The following SH3RF2 variants were observed in gnomAD, a reference collection of about 807,000 sequenced individuals.
SH3RF2 encodes E3 ubiquitin-protein ligase SH3RF2.
Under a neutral mutation model 59.0 loss-of-function variants are expected in SH3RF2, and 43 were observed. That is an observed-to-expected ratio of 0.73 (90% CI 0.57 to 0.94). SH3RF2 has a LOEUF of 0.94. SH3RF2 is among the 40% of genes least tolerant of loss of function. The probability of loss-of-function intolerance (pLI) is 0.00; values close to 1 mark genes in which losing one functional copy is unlikely to be tolerated. For synonymous variants in SH3RF2, 391 were observed against 391.5 expected, an observed-to-expected ratio of 1.00 and a Z score of 0.01; for missense variants, 930 against 940.1, an observed-to-expected ratio of 0.99 and a Z score of 0.14.
intron 9 of SH3RF2, among the ~76,000 whole-genome samples, chr5:146,071,987 C>T (rs1236716876): frequency 6.6e-6 from 1 of 152,146 alleles, no homozygotes; most frequent in East Asian, 1.9e-4. Context: ...CTCTATCAGA[C>T]AGAAGTGAGA....
chr5:146,008,024 G>T (rs905712584), intron 4 of SH3RF2, among the ~76,000 whole-genome samples: 1 of 152,204 alleles, frequency 6.6e-6, no homozygotes, highest in African/African-American at 2.4e-5. Context: ...GTGCATGTTT[G>T]TGTGTGTTTG....
chr5:145,965,688 T>G (rs1758831713), intron 2 of SH3RF2, among the ~76,000 whole-genome samples: 1 of 152,226 alleles, frequency 6.6e-6, no homozygotes, highest in Non-Finnish European at 1.5e-5. Context: ...ATTTATTTAT[T>G]AACACCAGCC....
chr5:146,074,352 C>T (rs1763300145), intron 9 of SH3RF2, among the ~76,000 whole-genome samples: 1 of 152,080 alleles, frequency 6.6e-6, no homozygotes, highest in Admixed American at 6.6e-5. Flanking sequence ...GAAGGCCTGT[C>T]ATAGGAAGGA....
intron 9 of SH3RF2, among the ~76,000 whole-genome samples, chr5:146,075,932 A>C (rs1253298666): frequency 1.3e-5 from 2 of 152,060 alleles, no homozygotes; most frequent in Non-Finnish European, 2.9e-5. Flanking sequence ...CCTAATCCCA[A>C]AACCCCTGGC....
At position 146,021,911 on chromosome 5, in the gene SH3RF2, A is replaced by G. The variant is rs559079005; in HGVS notation, c.1059+7850A>G. ...ACCTCTGACTCACAAGGTTATTGGG[A>G]AAATCAAAAATAAAAAGTGAATATA... On this transcript the variant is annotated intron_variant, in intron 5 of 9. Transcript: ENST00000359120. Among the ~76,000 whole-genome samples, 74 of 152,380 alleles carry G rather than the reference A, an allele frequency of 4.9e-4. 1 individual carries two copies. The highest frequency in any genetic ancestry group is 1.8e-3 in the African/African-American group (73 of 41,596).
chr5:146,049,017 A>C, intron 6 of SH3RF2, 58 bp from the exon 7 acceptor site: 2 of 1,589,918 alleles, frequency 1.3e-6, no homozygotes, highest in Non-Finnish European at 1.7e-6. Context: ...CCCCCACTCC[A>C]TGCCCCCCAT....
At chr5:146,029,088 C>T (rs1761648118) in intron 5 of SH3RF2, among the ~76,000 whole-genome samples, 1 of 152,230 alleles carries the variant, frequency 6.6e-6, no homozygotes, top group Non-Finnish European at 1.5e-5. Flanking sequence ...TTTCCATTCC[C>T]ACTCAGCTCC....
At chr5:146,017,691 C>T (rs995105889) in intron 5 of SH3RF2, among the ~76,000 whole-genome samples, 1 of 152,106 alleles carries the variant, frequency 6.6e-6, no homozygotes, top group Admixed American at 6.6e-5. Context: ...GCTCATTGTG[C>T]CACCTAAATA....
intron 2 of SH3RF2, among the ~76,000 whole-genome samples, chr5:145,947,401 T>C (rs1294516882): frequency 6.6e-6 from 1 of 152,208 alleles, no homozygotes; most frequent in Non-Finnish European, 1.5e-5. Flanking sequence ...TCATTGTTAC[T>C]ATGAAATAGA....
At position 146,057,992 on chromosome 5, in the gene SH3RF2, A is replaced by C. The variant is rs533767665; in HGVS notation, c.1555+1779A>C. On this transcript the variant is annotated intron_variant, in intron 8 of 9. Transcript: ENST00000359120. Reference sequence around the variant, plus strand: ...TCTATCTATCTATCTATCTATATATATATATTTGATTTAAAAAACGAGAAA... The same window carrying C: ...TCTATCTATCTATCTATCTATATATCTATATTTGATTTAAAAAACGAGAAA... Among the ~76,000 whole-genome samples, 10 of 150,340 alleles carry C rather than the reference A, an allele frequency of 6.7e-5. No homozygotes were observed. In the South Asian group the frequency reaches 1.5e-3, roughly 22 times the overall value.
chr5:145,940,698 A>C (rs1271040928), intron 2 of SH3RF2, among the ~76,000 whole-genome samples: 4 of 152,238 alleles, frequency 2.6e-5, no homozygotes, highest in Admixed American at 6.5e-5. Context: ...AAGCATCATC[A>C]TTAAGATTCA....
chr5:145,989,553 T>C (rs548584836), intron 2 of SH3RF2, among the ~76,000 whole-genome samples: 4 of 152,236 alleles, frequency 2.6e-5, no homozygotes, highest in Non-Finnish European at 5.9e-5. Flanking sequence ...TGGGAAATGA[T>C]ACATAACTTG....
chr5:145,941,075 T>C (rs1757797339), intron 2 of SH3RF2, among the ~76,000 whole-genome samples: 1 of 152,200 alleles, frequency 6.6e-6, no homozygotes, highest in Non-Finnish European at 1.5e-5. Context: ...ATAAATAACC[T>C]GTTGTCACAG....
At chr5:146,076,665 A>G (rs1054006808) in intron 9 of SH3RF2, among the ~76,000 whole-genome samples, 7 of 152,196 alleles carry the variant, frequency 4.6e-5, no homozygotes, top group African/African-American at 1.7e-4. Flanking sequence ...AATGGAGCAC[A>G]TTAGCTAATG....
chr5:146,053,123 A>G (rs971629675), intron 7 of SH3RF2, among the ~76,000 whole-genome samples: 1 of 152,212 alleles, frequency 6.6e-6, no homozygotes, highest in African/African-American at 2.4e-5. Context: ...ATAATTGACT[A>G]GAATGCTAGG....
intron 2 of SH3RF2, among the ~76,000 whole-genome samples, chr5:145,952,826 G>C (rs1375255516): frequency 1.3e-5 from 2 of 152,148 alleles, no homozygotes; most frequent in South Asian, 2.1e-4. Flanking sequence ...TATGAGGCCA[G>C]CTACTGCAGT....
intron 4 of SH3RF2, among the ~76,000 whole-genome samples, chr5:146,007,482 A>C (rs970003159): frequency 6.6e-6 from 1 of 152,182 alleles, no homozygotes; most frequent in Non-Finnish European, 1.5e-5. Flanking sequence ...TTGACTCTCC[A>C]AGGACAGACG....
At chr5:145,938,989 T>TA in intron 2 of SH3RF2, among the ~76,000 whole-genome samples, 2 of 152,194 alleles carry the variant, frequency 1.3e-5, no homozygotes, top group Non-Finnish European at 2.9e-5. Flanking sequence ...GGGCTGCAAT[T>TA]AAAAAACCAA....
intron 3 of SH3RF2, among the ~76,000 whole-genome samples, chr5:146,003,276 G>A (rs1029962803): frequency 6.6e-6 from 1 of 152,214 alleles, no homozygotes; most frequent in Non-Finnish European, 1.5e-5. Context: ...CTCTTAACAG[G>A]TGGTGGGAAA....
Sources: gnomAD v4.1 joint callset for allele counts (sites outside exome capture counted in the v4.1 genomes callset) on GRCh38, gnomAD v4.1.1 for gene constraint, MANE v1.5 for transcripts, NCBI Gene and HGNC (gene_info 2026-07-23, HGNC 2026-07-21) for gene names.